Variants in PRH1 observed in about 807,000 individuals in gnomAD.
PRH1 encodes proline rich protein HaeIII subfamily 1.
A neutral mutation model predicts 7.9 loss-of-function variants in PRH1; 7 were observed. The ratio of observed to expected loss-of-function variants is 0.89; its 90% CI spans 0.50 to 1.67. The LOEUF (loss-of-function observed/expected upper bound fraction) is 1.67. PRH1 is among the 40% of genes most tolerant of loss of function. The pLI, the probability that PRH1 is intolerant of heterozygous loss-of-function variation, is 0.00. For synonymous variants in PRH1, 45 were observed against 80.8 expected (o/e 0.56, Z 2.38); for missense variants, 109 against 223.6 (o/e 0.49, Z 3.27).
chr12:10,901,854 G>GA (rs902604531), intron 2 of PRH1, among the ~76,000 whole-genome samples: 3 of 151,772 alleles, frequency 2.0e-5, no homozygotes, highest in Admixed American at 6.6e-5. Flanking sequence ...GGGAAATAAA[G>GA]AAAAAAATCC....
At chr12:10,986,663 C>A (rs779393800) in intron 1 of PRH1, 1 of 1,612,094 alleles carries the variant, frequency 6.2e-7, no homozygotes, top group South Asian at 1.1e-5. Context: ...CAGTTAAATA[C>A]CAATTTAATA....
chr12:11,136,337 T>C (rs911059017), intron 1 of PRH1, among the ~76,000 whole-genome samples: 1 of 148,592 alleles, frequency 6.7e-6, no homozygotes, highest in African/African-American at 2.5e-5. Flanking sequence ...CTTCTCTATA[T>C]TGTTCCGTTG....
At chr12:11,076,027 G>GTA (rs372016507) in intron 1 of PRH1, among the ~76,000 whole-genome samples, 1,582 of 64,084 alleles carry the variant, frequency 0.025, 114 homozygotes, top group Non-Finnish European at 0.041. Context: ...TAAATAAAAT[G>GTA]TGTGTGTATA....
intron 1 of PRH1, among the ~76,000 whole-genome samples, chr12:11,131,379 T>C (rs1469975877): frequency 2.0e-5 from 3 of 152,212 alleles, no homozygotes; most frequent in African/African-American, 7.2e-5. Context: ...TTGTCTCAAT[T>C]TCCACATGTC....
intron 2 of PRH1, among the ~76,000 whole-genome samples, chr12:10,896,192 C>T (rs1949642331): frequency 6.6e-6 from 1 of 152,176 alleles, no homozygotes; most frequent in South Asian, 2.1e-4. Context: ...CATTTGTTAA[C>T]ATGCAAAATT....
chr12:11,107,471 T>C (rs1240478339), intron 1 of PRH1, among the ~76,000 whole-genome samples: 1 of 152,254 alleles, frequency 6.6e-6, no homozygotes, highest in Non-Finnish European at 1.5e-5. Context: ...AGAGTCTTTA[T>C]AGATTGCAGT....
At chr12:10,986,142 A>G in intron 1 of PRH1, 1 of 1,614,110 alleles carries the variant, frequency 6.2e-7, no homozygotes, top group Non-Finnish European at 8.5e-7. Flanking sequence ...TAGAAAGAAA[A>G]TGGCACATAA....
At chr12:10,943,525 G>A (rs888692348) in intron 2 of PRH1, among the ~76,000 whole-genome samples, 13 of 151,970 alleles carry the variant, frequency 8.6e-5, no homozygotes, top group African/African-American at 3.1e-4. Flanking sequence ...GTAGGTTGTC[G>A]ATTTACTCTG....
chr12:11,053,248 G>A (rs894207516), intron 1 of PRH1, among the ~76,000 whole-genome samples: 4 of 152,108 alleles, frequency 2.6e-5, no homozygotes, highest in Non-Finnish European at 4.4e-5. Flanking sequence ...TGCTTATGTT[G>A]TTGAAAAGGT....
At chr12:10,963,136 A>G (rs1222928932) in intron 2 of PRH1, among the ~76,000 whole-genome samples, 1 of 148,046 alleles carries the variant, frequency 6.8e-6, no homozygotes, top group Non-Finnish European at 1.5e-5. Context: ...ACAAATAACT[A>G]AATCAAATGA....
chr12:10,940,110 G>A (rs1276530333), intron 2 of PRH1, among the ~76,000 whole-genome samples: 1 of 152,146 alleles, frequency 6.6e-6, no homozygotes, highest in East Asian at 1.9e-4. Context: ...AAGTAGCAGA[G>A]TTTTCTAATA....
At chr12:11,090,523 T>C (rs1333026522) in intron 1 of PRH1, among the ~76,000 whole-genome samples, 3 of 96,130 alleles carry the variant, frequency 3.1e-5, no homozygotes, top group Non-Finnish European at 5.1e-5. Context: ...TATGCATAAC[T>C]GATGATACCA....
At chr12:11,148,627 G>T (rs371345000) in intron 1 of PRH1, among the ~76,000 whole-genome samples, 27,140 of 98,408 alleles carry the variant, frequency 0.28, 2,816 homozygotes, top group Non-Finnish European at 0.34. Context: ...TTGCATCCCA[G>T]GGATGAAGCC....
intron 2 of PRH1, among the ~76,000 whole-genome samples, chr12:10,962,039 C>T (rs1434695990): frequency 6.6e-6 from 1 of 152,308 alleles, no homozygotes; most frequent in East Asian, 1.9e-4. Flanking sequence ...AATTTCCACG[C>T]GTCCCTGCCA....
intron 1 of PRH1, among the ~76,000 whole-genome samples, chr12:10,985,272 T>A (rs1249479368): frequency 6.6e-6 from 1 of 152,138 alleles, no homozygotes; most frequent in Non-Finnish European, 1.5e-5. Context: ...TTAAGTCTAT[T>A]ATTCCTCAGT....
rs541644013 is a variant in PRH1 at position 10,881,643 on chromosome 12, G to T, written c.*18+574C>A. 2.6e-5 allele frequency among the ~76,000 whole-genome samples: 4 copies of T among 152,306 alleles called. No individual in the cohort carries two copies. In the South Asian group the frequency reaches 8.3e-4, roughly 32 times the overall value. On this transcript the variant is annotated intron_variant, in intron 3 of 3. Coordinates refer to ENST00000543626, the MANE Select transcript of PRH1 (RefSeq NM_001393989.1). ...TATATTTCAAAAAGTAGATTCCAAA[G>T]AGTAAAAGGTGGGGGTTTTGAGAAG...
intron 1 of PRH1, among the ~76,000 whole-genome samples, chr12:10,883,544 T>C (rs560004800): frequency 6.6e-6 from 1 of 152,228 alleles, no homozygotes; most frequent in Non-Finnish European, 1.5e-5. Context: ...CTCTTTCATC[T>C]GTAAATATGT....
In PRH1 at chr12:10,952,485, T is replaced by A. The variant is rs183723517; in HGVS notation, c.-59+21170A>T. On this transcript the variant is annotated intron_variant, in intron 2 of 3. Coordinates refer to the PRH1 transcript ENST00000539853. Reference sequence around the variant, plus strand: ...TTAGGCCAATAAAATAATTTTTTTTTAAATACAAAGTTGGAGGATTAGTTT... The same window carrying A: ...TTAGGCCAATAAAATAATTTTTTTTAAAATACAAAGTTGGAGGATTAGTTT... Among the ~76,000 whole-genome samples the A allele has an allele frequency of 4.8e-3, 729 of 152,296 alleles. 6 individuals carry two copies. The highest frequency in any genetic ancestry group is 0.016 in the African/African-American group (684 of 41,564).
chr12:11,001,154 T>C (rs1198424895), intron 1 of PRH1, among the ~76,000 whole-genome samples: 1 of 147,556 alleles, frequency 6.8e-6, no homozygotes, highest in Non-Finnish European at 1.5e-5. Flanking sequence ...TGTTAGTAGC[T>C]TTTTTTTTTA....
Sources: gnomAD v4.1 joint callset for allele counts (sites outside exome capture counted in the v4.1 genomes callset) on GRCh38, gnomAD v4.1.1 for gene constraint, MANE v1.5 for transcripts, NCBI Gene and HGNC (gene_info 2026-07-23, HGNC 2026-07-21) for gene names.